DNAJC15: variants seen among roughly 807,000 people sequenced by gnomAD.
DNAJC15 encodes the protein dnaJ homolog subfamily C member 15.
In DNAJC15, 27 loss-of-function variants were observed where a neutral mutation model predicts 22.4. That is an observed-to-expected ratio of 1.20 (90% confidence interval 0.89 to 1.66). DNAJC15 has a LOEUF of 1.66. DNAJC15 is among the 40% of genes most tolerant of loss of function. The pLI is 0.00. For synonymous variants in DNAJC15, 79 were observed against 63.2 expected (o/e 1.25, Z -1.19); for missense variants, 208 against 187.1 (o/e 1.11, Z -0.65).
At chr13:43,097,418 GA>G (rs2040744990) in intron 5 of DNAJC15, among the ~76,000 whole-genome samples, 1 of 152,226 alleles carries the variant, frequency 6.6e-6, no homozygotes, top group Non-Finnish European at 1.5e-5. Context: ...AAGGCTAAAT[GA>G]TAGAGTGGCT....
At chr13:43,034,797 G>T (rs1325622693) in intron 1 of DNAJC15, among the ~76,000 whole-genome samples, 1 of 152,092 alleles carries the variant, frequency 6.6e-6, no homozygotes, top group African/African-American at 2.4e-5. Flanking sequence ...CCCCAACGTT[G>T]TGGGGGTTTT....
intron 1 of DNAJC15, among the ~76,000 whole-genome samples, chr13:43,033,802 G>A (rs148769676): frequency 3.5e-4 from 53 of 152,208 alleles, no homozygotes; most frequent in African/African-American, 1.3e-3. Flanking sequence ...GCCAAGGTGG[G>A]TAGATAACTT....
rs540831253 is a variant in DNAJC15 at position 43,082,408 on chromosome 13, C to T, written c.312-3360C>T. Among the ~76,000 whole-genome samples, 13 of 152,180 alleles carry T rather than the reference C, an allele frequency of 8.5e-5. No homozygotes were observed. In the South Asian group the frequency reaches 1.0e-3, roughly 12 times the overall value. On this transcript the variant is annotated intron_variant, in intron 4 of 5. Transcript: ENST00000379221. ...CTTCTCTCATGTTGTTTAATCTTTA[C>T]AGCAACAAACATGTATTAATATTAA... is the stretch of plus-strand genomic sequence containing the variant.
chr13:43,067,219 A>T (rs1443561643), intron 2 of DNAJC15, among the ~76,000 whole-genome samples: 2 of 151,976 alleles, frequency 1.3e-5, no homozygotes, highest in African/African-American at 4.8e-5. Context: ...ATTTTCTCAC[A>T]ATTATCATTT....
intron 1 of DNAJC15, among the ~76,000 whole-genome samples, chr13:43,050,705 A>G (rs1485286703): frequency 6.6e-6 from 1 of 152,216 alleles, no homozygotes; most frequent in African/African-American, 2.4e-5. Flanking sequence ...TTAATATCAA[A>G]TTAAAATACA....
intron 4 of DNAJC15, among the ~76,000 whole-genome samples, chr13:43,084,315 A>G (rs2040677164): frequency 1.3e-5 from 2 of 152,230 alleles, no homozygotes; most frequent in African/African-American, 4.8e-5. Flanking sequence ...AGGTTATGTT[A>G]ATCTTTTTAC....
intron 5 of DNAJC15, among the ~76,000 whole-genome samples, chr13:43,098,051 G>A (rs2040749626): frequency 6.9e-6 from 1 of 144,714 alleles, no homozygotes. Context: ...GGCCAAAGCA[G>A]TGGTTAGAGA....
intron 5 of DNAJC15, among the ~76,000 whole-genome samples, chr13:43,090,515 G>A (rs991794878): frequency 6.6e-6 from 1 of 151,776 alleles, no homozygotes; most frequent in Admixed American, 6.6e-5. Context: ...CATAGACTTA[G>A]GCAAAGATTT....
At position 43,112,441 on chromosome 13, in the gene DNAJC15, A is replaced by C. The variant is rs1306277142; in HGVS notation, c.*5193A>C. On this transcript the variant is annotated 3_prime_UTR_variant, in exon 6 of 6. Coordinates refer to ENST00000379221, the MANE Select transcript of DNAJC15 (RefSeq NM_013238.3). ...AGATGTTGGCCATAAATTTCAAATT[A>C]GTATCTCAACTTAGCAGGGGGGATC... 1 of 152,248 alleles carries C rather than the reference A, an allele frequency of 6.6e-6. No individual in the cohort carries two copies. The highest frequency in any genetic ancestry group is 2.4e-5 in the African/African-American group (1 of 41,474). 9.4% of individuals were successfully genotyped at this position (152,248 alleles called of 1,614,324 possible). A position where few individuals can be genotyped will look rare whatever the true frequency, so the allele number is the denominator to read the frequency against.
intron 3 of DNAJC15, among the ~76,000 whole-genome samples, chr13:43,070,526 G>GTT (rs1349589901): frequency 2.3e-4 from 35 of 152,184 alleles, no homozygotes; most frequent in African/African-American, 7.9e-4. Flanking sequence ...CCAAATCAGG[G>GTT]TAAGAGGTTA....
chr13:43,049,136 CAAAG>C (rs1261574576), intron 1 of DNAJC15, among the ~76,000 whole-genome samples: 1 of 152,084 alleles, frequency 6.6e-6, no homozygotes, highest in Non-Finnish European at 1.5e-5. Context: ...TTTCCTAAGT[CAAAG>C]AAACAGCAAC....
In DNAJC15 at chr13:43,095,187, G is replaced by T. The variant is rs552510033; in HGVS notation, c.382+9349G>T. Among the ~76,000 whole-genome samples, 3 of 152,274 alleles carry T rather than the reference G, an allele frequency of 2.0e-5. No individual in the cohort carries two copies. In the South Asian group the frequency reaches 6.2e-4, roughly 32 times the overall value. Reference sequence around the variant, plus strand: ...GAGGCTGGTACAGTAATATGAGTGAGAAATAATGATGACCTAGCTTAGGAG... The same window carrying T: ...GAGGCTGGTACAGTAATATGAGTGATAAATAATGATGACCTAGCTTAGGAG... On this transcript the variant is annotated intron_variant, in intron 5 of 5. Coordinates refer to ENST00000379221, the MANE Select transcript of DNAJC15 (RefSeq NM_013238.3).
chr13:43,033,771 G>A (rs1182921170), intron 1 of DNAJC15, among the ~76,000 whole-genome samples: 1 of 152,124 alleles, frequency 6.6e-6, no homozygotes, highest in Admixed American at 6.5e-5. Context: ...GCTCATGCCT[G>A]TAATCCCAGC....
chr13:43,028,794 G>C (rs1386932599), intron 1 of DNAJC15, among the ~76,000 whole-genome samples: 1 of 152,012 alleles, frequency 6.6e-6, no homozygotes, highest in Non-Finnish European at 1.5e-5. Context: ...CACATCCAGT[G>C]TGAAGCCTTC....
intron 5 of DNAJC15, among the ~76,000 whole-genome samples, chr13:43,091,311 C>T (rs954482028): frequency 2.0e-5 from 3 of 152,162 alleles, no homozygotes; most frequent in Admixed American, 6.5e-5. Context: ...TGGTCACGAA[C>T]TCCTGACGTC....
At chr13:43,038,027 AATTT>A (rs143544957) in intron 1 of DNAJC15, among the ~76,000 whole-genome samples, 1,958 of 152,288 alleles carry the variant, frequency 0.013, 15 homozygotes, top group Non-Finnish European at 0.02. Context: ...CATGTGCCTT[AATTT>A]ATTTAATGAT....
At chr13:43,054,426 T>C (rs562918586) in intron 1 of DNAJC15, among the ~76,000 whole-genome samples, 1 of 152,348 alleles carries the variant, frequency 6.6e-6, no homozygotes, top group Admixed American at 6.5e-5. Flanking sequence ...CTTCATAGAA[T>C]GATTTAGGGA....
At chr13:43,068,022 A>G (rs570952909) in intron 2 of DNAJC15, among the ~76,000 whole-genome samples, 1 of 152,280 alleles carries the variant, frequency 6.6e-6, no homozygotes, top group Admixed American at 6.5e-5. Context: ...GAATAACAGT[A>G]TACATAGGCA....
intron 2 of DNAJC15, among the ~76,000 whole-genome samples, chr13:43,066,259 T>C (rs370098297): frequency 1.3e-5 from 2 of 149,808 alleles, no homozygotes; most frequent in Non-Finnish European, 3.0e-5. Flanking sequence ...CTTTTTTTTT[T>C]CTTTTTTTTG....
Sources: gnomAD v4.1 joint callset for allele counts (sites outside exome capture counted in the v4.1 genomes callset) on GRCh38, gnomAD v4.1.1 for gene constraint, MANE v1.5 for transcripts, NCBI Gene and HGNC (gene_info 2026-07-23, HGNC 2026-07-21) for gene names.